AKAP19: variants seen among roughly 807,000 people sequenced by gnomAD.
The protein encoded by AKAP19 is small A-kinase anchoring protein.
the AKAP19 span, among the ~76,000 whole-genome samples, chr2:189,975,141 G>A: frequency 7.9e-5 from 12 of 152,260 alleles, 1 homozygote; most frequent in East Asian, 1.7e-3. Flanking sequence ...TCCGTGTTTA[G>A]TTCTTCCTTC....
chr2:190,199,863 G>A, the AKAP19 span: 1 of 1,613,328 alleles, frequency 6.2e-7, no homozygotes, highest in Non-Finnish European at 8.5e-7. Context: ...TTCATAACAT[G>A]GGCTGCATGA....
chr2:189,904,160 C>T, the AKAP19 span, among the ~76,000 whole-genome samples: 1 of 152,148 alleles, frequency 6.6e-6, no homozygotes, highest in South Asian at 2.1e-4. Flanking sequence ...GTAGTATCTA[C>T]ATCAAGAAAT....
the AKAP19 span, among the ~76,000 whole-genome samples, chr2:190,052,987 A>G: frequency 1.3e-5 from 2 of 152,328 alleles, no homozygotes; most frequent in African/African-American, 4.8e-5. Context: ...GATCTTTAAG[A>G]AAGTATATGT....
the AKAP19 span, among the ~76,000 whole-genome samples, chr2:190,091,234 G>C: frequency 6.6e-6 from 1 of 152,170 alleles, no homozygotes. Flanking sequence ...TAACTTGTCA[G>C]CACGTCAGTG....
At chr2:189,934,337 T>G in the AKAP19 span, among the ~76,000 whole-genome samples, 2 of 152,064 alleles carry the variant, frequency 1.3e-5, no homozygotes, top group Admixed American at 1.3e-4. Context: ...CCTCATATTC[T>G]GGAAAACTGA....
chr2:190,178,969 G>A, the AKAP19 span, among the ~76,000 whole-genome samples: 1 of 152,210 alleles, frequency 6.6e-6, no homozygotes, highest in Non-Finnish European at 1.5e-5. The surrounding 1 kb of genome is among the most constrained non-coding windows in gnomAD (Gnocchi z 6.3). Flanking sequence ...GGAAGGAAGA[G>A]CACAAGAAAA....
At chr2:189,999,949 G>A in the AKAP19 span, among the ~76,000 whole-genome samples, 1 of 152,202 alleles carries the variant, frequency 6.6e-6, no homozygotes, top group South Asian at 2.1e-4. Flanking sequence ...TGCAACGGAA[G>A]TTGCTAACTA....
At chr2:190,014,614 C>T in the AKAP19 span, among the ~76,000 whole-genome samples, 4 of 152,130 alleles carry the variant, frequency 2.6e-5, no homozygotes, top group African/African-American at 9.7e-5. Flanking sequence ...CAAAACAAAT[C>T]CTGCCTTTCC....
the AKAP19 span, among the ~76,000 whole-genome samples, chr2:189,993,544 C>G: frequency 6.5e-3 from 984 of 152,158 alleles, 7 homozygotes; most frequent in Non-Finnish European, 0.01. Flanking sequence ...TTTCCTCTTT[C>G]TTTATCTTTT....
At chr2:189,981,795 C>CT in the AKAP19 span, among the ~76,000 whole-genome samples, 3 of 152,088 alleles carry the variant, frequency 2.0e-5, no homozygotes, top group Non-Finnish European at 2.9e-5. Context: ...TTTGGGCTGG[C>CT]TTTTTTTATT....
At chr2:190,081,867 G>A in the AKAP19 span, among the ~76,000 whole-genome samples, 1 of 152,064 alleles carries the variant, frequency 6.6e-6, no homozygotes, top group Non-Finnish European at 1.5e-5. Context: ...TGACTTAACA[G>A]AACCACATCT....
chr2:190,154,327 T>A, the AKAP19 span, among the ~76,000 whole-genome samples: 1 of 152,210 alleles, frequency 6.6e-6, no homozygotes, highest in Non-Finnish European at 1.5e-5. Flanking sequence ...TCATTTCATA[T>A]TTTTTAATCA....
At chr2:190,150,766 C>CTT in the AKAP19 span, among the ~76,000 whole-genome samples, 2,730 of 144,364 alleles carry the variant, frequency 0.019, 45 homozygotes, top group Middle Eastern at 0.032. Flanking sequence ...TGATCTCCTG[C>CTT]TTTTTTTTTT....
the AKAP19 span, among the ~76,000 whole-genome samples, chr2:190,195,564 G>A: frequency 1.3e-5 from 2 of 152,180 alleles, no homozygotes; most frequent in African/African-American, 4.8e-5. Flanking sequence ...GAAGACTTCC[G>A]TGAGGTGTCT....
chr2:189,980,056 T>C, the AKAP19 span, among the ~76,000 whole-genome samples: 1 of 152,182 alleles, frequency 6.6e-6, no homozygotes, highest in Non-Finnish European at 1.5e-5. Context: ...GCAATCTCAC[T>C]AGGGGGCACC....
chr2:190,003,483 C>G, the AKAP19 span, among the ~76,000 whole-genome samples: 1 of 151,896 alleles, frequency 6.6e-6, no homozygotes, highest in African/African-American at 2.4e-5. Flanking sequence ...AATAATATAC[C>G]TATTTAACAT....
At chr2:189,890,887 CTT>C in the AKAP19 span, among the ~76,000 whole-genome samples, 1 of 152,110 alleles carries the variant, frequency 6.6e-6, no homozygotes. Flanking sequence ...CAATCTGTGT[CTT>C]TTAATTGGGG....
At chr2:190,035,263 T>G in the AKAP19 span, among the ~76,000 whole-genome samples, 1 of 151,916 alleles carries the variant, frequency 6.6e-6, no homozygotes, top group Non-Finnish European at 1.5e-5. Context: ...AAACCCCATC[T>G]CTACTAAAAA....
At chr2:190,144,248 GA>G in the AKAP19 span, among the ~76,000 whole-genome samples, 13,054 of 140,912 alleles carry the variant, frequency 0.093, 598 homozygotes, top group Middle Eastern at 0.12. Context: ...GGCTCTAACA[GA>G]AAAAAAAAAA....
Sources: gnomAD v4.1 joint callset for allele counts (sites outside exome capture counted in the v4.1 genomes callset) on GRCh38, gnomAD v4.1.1 for gene constraint, Gnocchi (gnomAD v3.1) non-coding constraint, MANE v1.5 for transcripts, NCBI Gene and HGNC (gene_info 2026-07-23, HGNC 2026-07-21) for gene names.